The following ILRUN variants were observed in gnomAD, a reference collection of about 807,000 sequenced individuals.
ILRUN encodes protein ILRUN.
Under a neutral mutation model 33.8 loss-of-function variants are expected in ILRUN, and 3 were observed. That is an observed-to-expected ratio of 0.09 (90% CI 0.04 to 0.23). The LOEUF (loss-of-function observed/expected upper bound fraction) is 0.23, where lower values mean the gene tolerates loss of function less well. Ranked by LOEUF, ILRUN falls within the 10% of genes least tolerant of loss-of-function variation. ILRUN has a pLI of 1.00. For synonymous variants in ILRUN, 124 were observed against 138.9 expected (o/e 0.89, Z 0.75); for missense variants, 210 against 375.1 (o/e 0.56, Z 3.64).
chr6:34,664,793 A>T (rs982719488), intron 1 of ILRUN, among the ~76,000 whole-genome samples: 9 of 152,222 alleles, frequency 5.9e-5, no homozygotes, highest in Non-Finnish European at 1.3e-4. Context: ...TTGCTCATGA[A>T]ACTTCAGGAA....
intron 1 of ILRUN, among the ~76,000 whole-genome samples, chr6:34,664,192 T>C (rs905581464): frequency 6.6e-6 from 1 of 152,252 alleles, no homozygotes; most frequent in African/African-American, 2.4e-5. Context: ...TCACATAGTT[T>C]GTGGTAATGT....
intron 3 of ILRUN, among the ~76,000 whole-genome samples, chr6:34,640,635 G>A (rs531465408): frequency 8.5e-5 from 13 of 152,048 alleles, no homozygotes; most frequent in African/African-American, 2.7e-4. Flanking sequence ...GCTTGAACCC[G>A]GGAAGCAGAG....
At chr6:34,656,000 C>T (rs560894562) in intron 1 of ILRUN, among the ~76,000 whole-genome samples, 346 of 151,982 alleles carry the variant, frequency 2.3e-3, no homozygotes, top group Middle Eastern at 6.8e-3. Flanking sequence ...TTTGGGAGGC[C>T]GAGGTGGGCA....
chr6:34,610,020 G>C (rs954389890), intron 3 of ILRUN, among the ~76,000 whole-genome samples: 2 of 151,938 alleles, frequency 1.3e-5, no homozygotes, highest in African/African-American at 4.8e-5. Flanking sequence ...AATTAGCCAG[G>C]CATGGTGGCG....
chr6:34,632,228 G>A (rs1394404977), intron 3 of ILRUN, among the ~76,000 whole-genome samples: 1 of 152,106 alleles, frequency 6.6e-6, no homozygotes, highest in African/African-American at 2.4e-5. Flanking sequence ...ATCACTTGAG[G>A]TTAGGAGTTT....
rs1173222180 is a variant in ILRUN at position 34,626,875 on chromosome 6, C to A, written c.511+19726G>T. Among the ~76,000 whole-genome samples, 3 of 151,998 alleles carry A rather than the reference C, an allele frequency of 2.0e-5. No homozygotes were observed. The East Asian group carries it at 5.8e-4, about 29-fold the overall frequency. Reference sequence around the variant, plus strand: ...CAAAAATAAGCCAGGCATGGTGGTGCGCACTTGTAATCCCAGCTACTCGGG... The same window carrying A: ...CAAAAATAAGCCAGGCATGGTGGTGAGCACTTGTAATCCCAGCTACTCGGG... On this transcript the variant is annotated intron_variant, in intron 3 of 4. Transcript: ENST00000374023.
chr6:34,631,669 A>G (rs1390037603), intron 3 of ILRUN, among the ~76,000 whole-genome samples: 2 of 152,122 alleles, frequency 1.3e-5, no homozygotes, highest in Non-Finnish European at 2.9e-5. Flanking sequence ...TATATCTTGC[A>G]CTATCCCAGC....
At chr6:34,635,529 C>G (rs915655644) in intron 3 of ILRUN, among the ~76,000 whole-genome samples, 1 of 106,356 alleles carries the variant, frequency 9.4e-6, no homozygotes, top group African/African-American at 3.7e-5. Context: ...GAGACCCTGT[C>G]TGAAAAAAAG....
chr6:34,617,001 A>T, intron 3 of ILRUN: 1 of 543,830 alleles, frequency 1.8e-6, no homozygotes, highest in South Asian at 1.4e-5. Flanking sequence ...GGCAAAATCA[A>T]TAAGAAGTGA....
chr6:34,618,625 C>G (rs567482645), intron 3 of ILRUN, among the ~76,000 whole-genome samples: 49 of 152,312 alleles, frequency 3.2e-4, no homozygotes, highest in African/African-American at 1.1e-3. Context: ...CACTGCATCA[C>G]GTCAATAATC....
intron 1 of ILRUN, among the ~76,000 whole-genome samples, chr6:34,683,825 G>T (rs1401618384): frequency 6.6e-6 from 1 of 152,114 alleles, no homozygotes; most frequent in Non-Finnish European, 1.5e-5. Context: ...CACTTTGGGA[G>T]GACAAGGTGG....
At chr6:34,627,563 T>C (rs1762163173) in intron 3 of ILRUN, among the ~76,000 whole-genome samples, 1 of 152,198 alleles carries the variant, frequency 6.6e-6, no homozygotes, top group Non-Finnish European at 1.5e-5. Context: ...GCCATCTTAA[T>C]AGGTATATAG....
At chr6:34,622,219 A>G (rs1328746642) in intron 3 of ILRUN, among the ~76,000 whole-genome samples, 1 of 152,182 alleles carries the variant, frequency 6.6e-6, no homozygotes, top group Non-Finnish European at 1.5e-5. Context: ...ACCAAAAGCT[A>G]ATAAATTAGA....
chr6:34,661,163 C>A (rs1762877367), intron 1 of ILRUN, among the ~76,000 whole-genome samples: 1 of 152,072 alleles, frequency 6.6e-6, no homozygotes, highest in Admixed American at 6.5e-5. Context: ...AAGTACTCTG[C>A]CACAAAAAAG....
At chr6:34,676,660 G>A (rs1006319092) in intron 1 of ILRUN, among the ~76,000 whole-genome samples, 10 of 151,684 alleles carry the variant, frequency 6.6e-5, no homozygotes, top group Non-Finnish European at 1.2e-4. Context: ...ACACCACCTC[G>A]CCCAGCTAAA....
intron 4 of ILRUN, among the ~76,000 whole-genome samples, chr6:34,604,729 T>C (rs1013829729): frequency 1.3e-5 from 2 of 152,214 alleles, no homozygotes; most frequent in African/African-American, 2.4e-5. Context: ...GTGAAACGTC[T>C]TTCCTCAAAT....
At chr6:34,639,451 TAGG>T (rs747737065) in intron 3 of ILRUN, among the ~76,000 whole-genome samples, 19 of 152,288 alleles carry the variant, frequency 1.2e-4, no homozygotes, top group Non-Finnish European at 2.5e-4. Flanking sequence ...TCTCTGTTAG[TAGG>T]AGATGAAGCA....
chr6:34,674,309 G>A (rs975007965), intron 1 of ILRUN, among the ~76,000 whole-genome samples: 3 of 152,194 alleles, frequency 2.0e-5, no homozygotes, highest in Admixed American at 6.5e-5. Flanking sequence ...TTATAGGCGT[G>A]AGCCACCGCG....
At chr6:34,645,207 A>C (rs1762542583) in intron 3 of ILRUN, among the ~76,000 whole-genome samples, 1 of 152,208 alleles carries the variant, frequency 6.6e-6, no homozygotes, top group Non-Finnish European at 1.5e-5. Context: ...TGTGAAGGCA[A>C]GTACTATTTA....
Sources: gnomAD v4.1 joint callset for allele counts (sites outside exome capture counted in the v4.1 genomes callset) on GRCh38, gnomAD v4.1.1 for gene constraint, MANE v1.5 for transcripts, NCBI Gene and HGNC (gene_info 2026-07-23, HGNC 2026-07-21) for gene names.